Variants in JAZF1 observed in about 807,000 individuals in gnomAD.
The protein encoded by JAZF1 is juxtaposed with another zinc finger protein 1.
Under a neutral mutation model 26.4 loss-of-function variants are expected in JAZF1, and 8 were observed. That is an observed-to-expected ratio of 0.30 (90% CI 0.18 to 0.55). The LOEUF (loss-of-function observed/expected upper bound fraction) is 0.55, where lower values mean the gene tolerates loss of function less well. Among genes scored for constraint, JAZF1 ranks in the 20% least tolerant of loss-of-function variants. JAZF1 has a pLI of 0.94. For synonymous variants in JAZF1, 126 were observed against 122.3 expected, an observed-to-expected ratio of 1.03 and a Z score of -0.20; for missense variants, 199 against 322.0, an observed-to-expected ratio of 0.62 and a Z score of 2.92.
At chr7:28,063,638 G>GT (rs1167633888) in intron 1 of JAZF1, among the ~76,000 whole-genome samples, 1 of 152,070 alleles carries the variant, frequency 6.6e-6, no homozygotes, top group African/African-American at 2.4e-5. Flanking sequence ...GCTCTTAATT[G>GT]TAAAAGCTAA....
Position 27,832,518 on chromosome 7 carries a change from TTTA to T in JAZF1, c.*279_*281del, listed in dbSNP as rs1437346085. 1 of 267,916 alleles carries T rather than the reference TTTA, an allele frequency of 3.7e-6. No homozygotes were observed. Among genetic ancestry groups the T allele is most frequent in the Non-Finnish European group, 7.1e-6 (1 of 140,854 alleles). 16.6% of individuals were successfully genotyped at this position (267,916 alleles called of 1,614,324 possible). A position where few individuals can be genotyped will look rare whatever the true frequency, so the allele number is the denominator to read the frequency against. On this transcript the variant is annotated 3_prime_UTR_variant, in exon 5 of 5. Transcript: ENST00000283928. ...CAACAATATGCAACATGCCCTCAATTTTATTTTGTTTTGGGGGAAATGTGCTGA... is the reference window on the plus strand; with the variant it reads ...CAACAATATGCAACATGCCCTCAATTTTTTGTTTTGGGGGAAATGTGCTGA...
At chr7:28,101,299 C>T (rs1032961157) in intron 1 of JAZF1, among the ~76,000 whole-genome samples, 2 of 152,144 alleles carry the variant, frequency 1.3e-5, no homozygotes, top group Non-Finnish European at 2.9e-5. Flanking sequence ...ACATATTAAA[C>T]ACACCTCCAT....
At position 28,095,290 on chromosome 7, in the gene JAZF1, G is replaced by C. The variant is rs565497540; in HGVS notation, c.115+85173C>G. Among the ~76,000 whole-genome samples the C allele has an allele frequency of 2.6e-5, 4 of 152,284 alleles. No individual in the cohort carries two copies. The East Asian group carries it at 7.7e-4, about 29-fold the overall frequency. ...TGCCCAAGACTGGGTTATTTATAAA[G>C]GAAAGAGGTTTAATTGTCTCACAGT... On this transcript the variant is annotated intron_variant, in intron 1 of 4. Transcript: ENST00000283928.
intron 3 of JAZF1, among the ~76,000 whole-genome samples, chr7:27,892,546 G>C (rs1010757005): frequency 6.6e-6 from 1 of 152,114 alleles, no homozygotes; most frequent in African/African-American, 2.4e-5. Context: ...TATTACTTCA[G>C]GTATAAAACA....
chr7:27,996,322 T>C (rs1045128984), intron 1 of JAZF1, among the ~76,000 whole-genome samples: 1 of 152,192 alleles, frequency 6.6e-6, no homozygotes, highest in Non-Finnish European at 1.5e-5. Context: ...GGTAGCAGTG[T>C]GGGGAAGATG....
intron 2 of JAZF1, among the ~76,000 whole-genome samples, chr7:27,951,686 G>C (rs1197043946): frequency 6.6e-6 from 1 of 152,162 alleles, no homozygotes; most frequent in Non-Finnish European, 1.5e-5. Context: ...TCCAAAGGCA[G>C]AGAACCAATT....
Position 28,051,582 on chromosome 7 carries a change from G to C in JAZF1, c.116-59601C>G, listed in dbSNP as rs1008631061. Among the ~76,000 whole-genome samples the C allele has an allele frequency of 2.0e-5, 3 of 152,106 alleles. No individual in the cohort carries two copies. The East Asian group carries it at 5.8e-4, about 29-fold the overall frequency. On this transcript the variant is annotated intron_variant, in intron 1 of 4. Coordinates refer to ENST00000283928, the MANE Select transcript of JAZF1 (RefSeq NM_175061.4). ...AGTTCTGCATTGTCTCCTGCAAACT[G>C]GCTCCTGAAACCTAATTTTTCCAGC...
At chr7:28,129,835 G>C (rs1782760282) in intron 1 of JAZF1, among the ~76,000 whole-genome samples, 1 of 152,110 alleles carries the variant, frequency 6.6e-6, no homozygotes, top group Non-Finnish European at 1.5e-5. Flanking sequence ...CAGATAACGT[G>C]CTGGCTGTTT....
At chr7:27,969,227 G>A (rs890599144) in intron 2 of JAZF1, among the ~76,000 whole-genome samples, 1 of 152,136 alleles carries the variant, frequency 6.6e-6, no homozygotes, top group African/African-American at 2.4e-5. Flanking sequence ...AGAGATGCAC[G>A]CAGACATCAC....
chr7:27,864,984 G>A (rs901746559), intron 3 of JAZF1, among the ~76,000 whole-genome samples: 22 of 152,310 alleles, frequency 1.4e-4, no homozygotes, highest in African/African-American at 2.2e-4. Flanking sequence ...ACTGCAGACC[G>A]TGACCCAGGA....
At chr7:28,029,102 T>C (rs1783142900) in intron 1 of JAZF1, among the ~76,000 whole-genome samples, 1 of 152,144 alleles carries the variant, frequency 6.6e-6, no homozygotes, top group East Asian at 1.9e-4. Context: ...AGTTTTTCAC[T>C]TCTAAGGGCT....
At chr7:28,081,459 C>G (rs1247272502) in intron 1 of JAZF1, among the ~76,000 whole-genome samples, 4 of 152,102 alleles carry the variant, frequency 2.6e-5, no homozygotes, top group Non-Finnish European at 4.4e-5. Context: ...TAACCAGCAC[C>G]AAAAAACAGC....
At chr7:28,111,393 A>C (rs892168358) in intron 1 of JAZF1, among the ~76,000 whole-genome samples, 4 of 152,036 alleles carry the variant, frequency 2.6e-5, no homozygotes, top group Non-Finnish European at 5.9e-5. Context: ...GTTACATTTT[A>C]TTTATGTGTT....
chr7:27,977,243 G>C lies in JAZF1; in HGVS notation c.188+14666C>G, dbSNP rs180906104. 2.8e-3 allele frequency among the ~76,000 whole-genome samples: 422 copies of C among 152,266 alleles called. 4 individuals are homozygous for C. Among genetic ancestry groups the C allele is most frequent in the African/African-American group, 9.6e-3 (399 of 41,558 alleles). ...TATGAAAATACTGAGTTTTGTCCTA[G>C]CAGGCAGTTCAATTTCATGCTGATC... On this transcript the variant is annotated intron_variant, in intron 2 of 4. Transcript: ENST00000283928.
chr7:28,017,779 T>C (rs1201624885), intron 1 of JAZF1, among the ~76,000 whole-genome samples: 1 of 152,156 alleles, frequency 6.6e-6, no homozygotes, highest in Non-Finnish European at 1.5e-5. Flanking sequence ...TGTTGTTGTT[T>C]GTTTGTTTGT....
chr7:27,857,577 G>T (rs910274639), intron 3 of JAZF1, among the ~76,000 whole-genome samples: 2 of 152,250 alleles, frequency 1.3e-5, no homozygotes, highest in Middle Eastern at 3.2e-3. Flanking sequence ...CTCTCACAAG[G>T]CTGGTTCAAC....
chr7:28,067,285 C>G (rs1456980423), intron 1 of JAZF1, among the ~76,000 whole-genome samples: 1 of 152,184 alleles, frequency 6.6e-6, no homozygotes, highest in African/African-American at 2.4e-5. Context: ...GGGGTAAGAT[C>G]CCAGAGATGA....
At chr7:28,159,541 G>A (rs1363069740) in intron 1 of JAZF1, among the ~76,000 whole-genome samples, 1 of 151,918 alleles carries the variant, frequency 6.6e-6, no homozygotes, top group Non-Finnish European at 1.5e-5. Flanking sequence ...GAAGGTGTCT[G>A]GGTTTTCTTT....
At chr7:28,096,720 C>T in intron 1 of JAZF1, among the ~76,000 whole-genome samples, 1 of 151,964 alleles carries the variant, frequency 6.6e-6, no homozygotes, top group East Asian at 1.9e-4. Flanking sequence ...CAAATTGCAT[C>T]TATATCTCAA....
Sources: gnomAD v4.1 joint callset for allele counts (sites outside exome capture counted in the v4.1 genomes callset) on GRCh38, gnomAD v4.1.1 for gene constraint, MANE v1.5 for transcripts, NCBI Gene and HGNC (gene_info 2026-07-23, HGNC 2026-07-21) for gene names.